The following CCDC7 variants were observed in gnomAD, a reference collection of about 807,000 sequenced individuals.
CCDC7 encodes the protein coiled-coil domain containing 7, also known as coiled-coil domain-containing protein 7.
CCDC7 carries 183 observed loss-of-function variants against 196.9 expected under a neutral mutation model. The observed-to-expected ratio is 0.93, with a 90% CI of 0.82 to 1.05. The LOEUF is 1.05. Ranked by LOEUF, CCDC7 falls within the 50% of genes least tolerant of loss-of-function variation. The probability of loss-of-function intolerance (pLI) is 0.00; values close to 1 mark genes in which losing one functional copy is unlikely to be tolerated. For synonymous variants in CCDC7, 525 were observed against 484.6 expected (o/e 1.08, Z -1.10); for missense variants, 1,540 against 1,482.2 (o/e 1.04, Z -0.64).
chr10:32,741,101 A>G (rs1443667460), intron 28 of CCDC7, among the ~76,000 whole-genome samples: 1 of 152,138 alleles, frequency 6.6e-6, no homozygotes, highest in African/African-American at 2.4e-5. Context: ...AGTTGTAAAA[A>G]TGAGAGAGAT....
chr10:32,632,139 TGGG>T (rs59349566), intron 18 of CCDC7, among the ~76,000 whole-genome samples: 71,033 of 126,134 alleles, frequency 0.56, 21,528 homozygotes, highest in Non-Finnish European at 0.68. Flanking sequence ...TTCTTTTTTT[TGGG>T]GGGGGGGGGG....
intron 8 of CCDC7, among the ~76,000 whole-genome samples, chr10:32,476,112 G>T (rs1459780815): frequency 6.6e-6 from 1 of 152,090 alleles, no homozygotes; most frequent in African/African-American, 2.4e-5. Context: ...GCCTTGTACA[G>T]CTCAGTGGGT....
At chr10:32,494,766 G>A (rs956912852) in intron 9 of CCDC7, among the ~76,000 whole-genome samples, 46 of 152,086 alleles carry the variant, frequency 3.0e-4, no homozygotes, top group Admixed American at 5.2e-4. Flanking sequence ...TGGTGTATAT[G>A]TGCCACATTT....
chr10:32,821,575 A>G (rs1439030008), intron 31 of CCDC7, among the ~76,000 whole-genome samples: 3 of 152,222 alleles, frequency 2.0e-5, no homozygotes, highest in African/African-American at 7.2e-5. Flanking sequence ...ATGTCCAACA[A>G]TGATAGACTG....
At chr10:32,645,556 G>A (rs1227174848) in intron 20 of CCDC7, among the ~76,000 whole-genome samples, 1 of 127,898 alleles carries the variant, frequency 7.8e-6, no homozygotes, top group Non-Finnish European at 1.6e-5. Flanking sequence ...CTTGTAGAAT[G>A]TGCTGGAAGT....
intron 8 of CCDC7, among the ~76,000 whole-genome samples, chr10:32,476,519 C>T (rs1165961384): frequency 6.6e-6 from 1 of 152,166 alleles, no homozygotes; most frequent in Non-Finnish European, 1.5e-5. Context: ...CTACTATCAA[C>T]ACTTTTGTTC....
intron 9 of CCDC7, chr10:32,511,269 G>GGGT (rs1564506631): frequency 1.3e-5 from 6 of 474,092 alleles, no homozygotes; most frequent in Non-Finnish European, 2.2e-5. Context: ...GGCGGGGGGG[G>GGGT]CGGGGAAATG....
chr10:32,697,560 C>G (rs2077924375), intron 24 of CCDC7, among the ~76,000 whole-genome samples: 1 of 152,168 alleles, frequency 6.6e-6, no homozygotes, highest in African/African-American at 2.4e-5. Context: ...ACCCATGGAG[C>G]CTTGCTCACT....
At chr10:32,581,263 T>C (rs2058705980) in intron 16 of CCDC7, among the ~76,000 whole-genome samples, 1 of 152,180 alleles carries the variant, frequency 6.6e-6, no homozygotes, top group African/African-American at 2.4e-5. Flanking sequence ...AGACAGTGAA[T>C]GACACAAATT....
intron 33 of CCDC7, among the ~76,000 whole-genome samples, chr10:32,837,941 G>A: frequency 7.8e-6 from 1 of 128,188 alleles, no homozygotes; most frequent in East Asian, 2.7e-4. Context: ...CGGGGGAGGG[G>A]GGAGGGATAG....
chr10:32,832,572 T>C (rs2092289631), intron 32 of CCDC7, among the ~76,000 whole-genome samples: 1 of 152,116 alleles, frequency 6.6e-6, no homozygotes, highest in Non-Finnish European at 1.5e-5. Context: ...AATAATTTTA[T>C]GTTTGGCAAA....
intron 16 of CCDC7, among the ~76,000 whole-genome samples, chr10:32,581,404 TCTC>T (rs894649969): frequency 7.9e-5 from 12 of 152,190 alleles, no homozygotes; most frequent in Admixed American, 2.0e-4. Context: ...TCATTGCTGT[TCTC>T]CTCCTCCTCC....
chr10:32,686,451 A>G (rs1305674655), intron 22 of CCDC7, among the ~76,000 whole-genome samples: 1 of 152,196 alleles, frequency 6.6e-6, no homozygotes, highest in African/African-American at 2.4e-5. Context: ...AGTGAACAGA[A>G]AGTTTGCCAA....
chr10:32,683,643 T>C (rs1205183704), intron 21 of CCDC7, among the ~76,000 whole-genome samples: 1 of 152,256 alleles, frequency 6.6e-6, no homozygotes, highest in Admixed American at 6.5e-5. Context: ...GTGTCATCTC[T>C]GATTTCTTTT....
intron 8 of CCDC7, among the ~76,000 whole-genome samples, chr10:32,486,810 A>C (rs959237176): frequency 4.0e-5 from 6 of 151,220 alleles, no homozygotes; most frequent in African/African-American, 7.3e-5. Flanking sequence ...AAGAATGTTG[A>C]ATATTGGCCC....
chr10:32,778,576 A>G (rs1468377976), intron 28 of CCDC7, among the ~76,000 whole-genome samples: 1 of 152,198 alleles, frequency 6.6e-6, no homozygotes, highest in Non-Finnish European at 1.5e-5. Flanking sequence ...TGTTTTGGTT[A>G]CTGTAGCCCT....
exon 36 of CCDC7, chr10:32,845,959 G>C (rs773990611): frequency 6.2e-7 from 1 of 1,605,986 alleles, no homozygotes; most frequent in South Asian, 1.1e-5. Context: ...GAGTCACCGA[G>C]GTAAGAGAAA....
chr10:32,833,017 A>G (rs1016877212), intron 32 of CCDC7, among the ~76,000 whole-genome samples: 1 of 152,144 alleles, frequency 6.6e-6, no homozygotes, highest in Non-Finnish European at 1.5e-5. Context: ...AAAAAGAACC[A>G]GAAACTATAA....
intron 9 of CCDC7, chr10:32,513,497 T>C (rs1034900023): frequency 6.6e-6 from 1 of 152,106 alleles, no homozygotes; most frequent in African/African-American, 2.4e-5. Flanking sequence ...TCTATGAGAT[T>C]AGTGTTACTC....
Sources: gnomAD v4.1 joint callset for allele counts (sites outside exome capture counted in the v4.1 genomes callset) on GRCh38, gnomAD v4.1.1 for gene constraint, MANE v1.5 for transcripts, NCBI Gene and HGNC (gene_info 2026-07-23, HGNC 2026-07-21) for gene names.